PRKCE: variants seen among roughly 807,000 people sequenced by gnomAD.
The protein encoded by PRKCE is protein kinase C epsilon, also known as protein kinase C epsilon type.
A neutral mutation model predicts 85.4 loss-of-function variants in PRKCE; 16 were observed. That is an observed-to-expected ratio of 0.19 (90% CI 0.13 to 0.28). The LOEUF is 0.28. PRKCE is among the 10% of genes least tolerant of loss of function. The pLI, the probability that PRKCE is intolerant of heterozygous loss-of-function variation, is 1.00. For synonymous variants in PRKCE, 388 were observed against 371.5 expected (o/e 1.04, Z -0.51); for missense variants, 573 against 975.2 (o/e 0.59, Z 5.49).
intron 6 of PRKCE, among the ~76,000 whole-genome samples, chr2:45,986,291 G>A (rs567012721): frequency 3.4e-4 from 52 of 152,230 alleles, no homozygotes; most frequent in Admixed American, 1.5e-3. Context: ...CCCAAGTGCT[G>A]TAGGCTAAAG....
intron 11 of PRKCE, among the ~76,000 whole-genome samples, chr2:46,141,707 C>A (rs1675551264): frequency 6.6e-6 from 1 of 151,100 alleles, no homozygotes; most frequent in African/African-American, 2.4e-5. Context: ...AAAGACCCCC[C>A]TCCTTAAAAT....
At chr2:46,114,594 T>G (rs1438195253) in intron 11 of PRKCE, among the ~76,000 whole-genome samples, 1 of 151,670 alleles carries the variant, frequency 6.6e-6, no homozygotes, top group Non-Finnish European at 1.5e-5. Context: ...ATTTTTTGTG[T>G]TTTTTTAGTA....
chr2:45,775,806 A>G (rs906557076), intron 1 of PRKCE, among the ~76,000 whole-genome samples: 1 of 152,160 alleles, frequency 6.6e-6, no homozygotes, highest in Admixed American at 6.5e-5. Context: ...TCCTTAAAAC[A>G]GCCTACAAGG....
At chr2:46,096,281 A>G (rs557006056) in intron 11 of PRKCE, among the ~76,000 whole-genome samples, 1 of 152,252 alleles carries the variant, frequency 6.6e-6, no homozygotes, top group South Asian at 2.1e-4. Flanking sequence ...ATGAGAAAAC[A>G]TTTGCAGAAG....
intron 1 of PRKCE, among the ~76,000 whole-genome samples, chr2:45,662,275 G>A (rs11679963): frequency 0.029 from 4,479 of 152,152 alleles, 100 homozygotes; most frequent in Non-Finnish European, 0.047. Context: ...AGAACTGGTC[G>A]TTGCTCTCAG....
At chr2:45,740,010 A>C (rs549936478) in intron 1 of PRKCE, among the ~76,000 whole-genome samples, 231 of 152,270 alleles carry the variant, frequency 1.5e-3, no homozygotes, top group Non-Finnish European at 2.3e-3. Flanking sequence ...AAAGTGTTAG[A>C]TTCATTCAAG....
At chr2:46,098,577 G>C (rs962106601) in intron 11 of PRKCE, among the ~76,000 whole-genome samples, 55 of 152,240 alleles carry the variant, frequency 3.6e-4, no homozygotes, top group African/African-American at 1.3e-3. Context: ...CTCCAAACAA[G>C]GGCTAATTTG....
Position 45,652,545 on chromosome 2 carries a change from C to T in PRKCE, c.348+97C>T, listed in dbSNP as rs923974728. The T allele has an allele frequency of 4.3e-6, 5 of 1,175,590 alleles. No homozygotes were observed. Among genetic ancestry groups the T allele is most frequent in the Admixed American group, 5.2e-5 (2 of 38,472 alleles). The allele number at this position is 1,175,590 out of a possible 1,614,324, so 72.8% of individuals were successfully genotyped here. ...ATCGTAGGGCTCCGGGACTTATTGA[C>T]GACTGGGGTGTGTGTGCCTGTAAGT... On this transcript the variant is annotated intron_variant, in intron 1 of 14. Coordinates refer to ENST00000306156, the MANE Select transcript of PRKCE (RefSeq NM_005400.3). This position sits in a 1 kb window ranked among gnomAD's most constrained non-coding sequence, Gnocchi z 7.7.
At chr2:45,865,815 CTTTTTTTTTT>C (rs36102606) in intron 2 of PRKCE, among the ~76,000 whole-genome samples, 33 of 133,680 alleles carry the variant, frequency 2.5e-4, no homozygotes, top group African/African-American at 7.0e-4. Flanking sequence ...TCTTCTTCTT[CTTTTTTTTTT>C]TTTTTTTTTT....
At chr2:45,918,740 G>A (rs1296635846) in intron 2 of PRKCE, among the ~76,000 whole-genome samples, 1 of 152,172 alleles carries the variant, frequency 6.6e-6, no homozygotes, top group African/African-American at 2.4e-5. Context: ...GTGGGCCTGG[G>A]GCTGAGGCAC....
intron 10 of PRKCE, among the ~76,000 whole-genome samples, chr2:46,021,190 T>C (rs745836896): frequency 6.6e-6 from 1 of 152,194 alleles, no homozygotes; most frequent in Non-Finnish European, 1.5e-5. Context: ...CTGCTGCTGT[T>C]GCAGGCTCAT....
chr2:45,811,045 A>G (rs1688620103), intron 1 of PRKCE, among the ~76,000 whole-genome samples: 1 of 152,318 alleles, frequency 6.6e-6, no homozygotes, highest in South Asian at 2.1e-4. Context: ...TGTCACATAT[A>G]CATTTGTTTG....
At chr2:45,678,715 G>C (rs1326644958) in intron 1 of PRKCE, among the ~76,000 whole-genome samples, 16 of 151,642 alleles carry the variant, frequency 1.1e-4, no homozygotes, top group Admixed American at 9.2e-4. Flanking sequence ...ATTTCTCTGA[G>C]CTTTAGCTCA....
chr2:45,704,490 A>G (rs2104286551), intron 1 of PRKCE, among the ~76,000 whole-genome samples: 1 of 152,296 alleles, frequency 6.6e-6, no homozygotes, highest in African/African-American at 2.4e-5. Context: ...CCTGTATGAA[A>G]TGTGACTTGG....
intron 2 of PRKCE, among the ~76,000 whole-genome samples, chr2:45,955,997 G>C (rs150705249): frequency 6.6e-6 from 1 of 152,194 alleles, no homozygotes; most frequent in Admixed American, 6.5e-5. Flanking sequence ...CCGGGTAACC[G>C]CTGCGGTCTT....
chr2:46,181,166 T>A (rs185827707), intron 14 of PRKCE, among the ~76,000 whole-genome samples: 1 of 152,222 alleles, frequency 6.6e-6, no homozygotes, highest in East Asian at 1.9e-4. Context: ...AATCAGCGAG[T>A]AAAGAATATA....
At chr2:46,111,325 A>G (rs1305610879) in intron 11 of PRKCE, among the ~76,000 whole-genome samples, 1 of 152,236 alleles carries the variant, frequency 6.6e-6, no homozygotes, top group East Asian at 1.9e-4. Context: ...TTTTGGTAAC[A>G]GCTTCATTGA....
At chr2:45,845,520 C>G (rs1226382219) in intron 2 of PRKCE, 1 of 152,004 alleles carries the variant, frequency 6.6e-6, no homozygotes, top group African/African-American at 2.4e-5. Flanking sequence ...ATGCTGCAGC[C>G]CCATCAATGG....
At chr2:45,760,551 A>G (rs2104819502) in intron 1 of PRKCE, among the ~76,000 whole-genome samples, 1 of 152,354 alleles carries the variant, frequency 6.6e-6, no homozygotes, top group Non-Finnish European at 1.5e-5. Flanking sequence ...GGAGGATTGA[A>G]CACCAAGGCG....
Sources: allele counts gnomAD v4.1 joint callset (sites outside exome capture counted in the v4.1 genomes callset), GRCh38; gene constraint gnomAD v4.1.1; non-coding constraint Gnocchi (gnomAD v3.1); transcripts MANE v1.5; gene names NCBI Gene and HGNC (gene_info 2026-07-23, HGNC 2026-07-21).